ACBD6: variants seen among roughly 807,000 people sequenced by gnomAD.
ACBD6 encodes the protein acyl-CoA binding domain containing 6.
Under a neutral mutation model 37.2 loss-of-function variants are expected in ACBD6, and 28 were observed. The ratio of observed to expected loss-of-function variants is 0.75; its 90% CI spans 0.56 to 1.03. The LOEUF is 1.03. Among genes scored for constraint, ACBD6 ranks in the 50% least tolerant of loss-of-function variants. ACBD6 has a pLI of 0.00. For synonymous variants in ACBD6, 113 were observed against 126.8 expected (o/e 0.89, Z 0.73); for missense variants, 340 against 337.4 (o/e 1.01, Z -0.06).
chr1:180,353,047 T>C lies in ACBD6; in HGVS notation c.664-38325A>G, dbSNP rs1403077234. On this transcript the variant is annotated intron_variant, in intron 6 of 7. Transcript: ENST00000367595. The stretch of plus-strand genomic sequence containing the variant: ...GATCACTGTTTAAAGTAACCACCAC[T>C]ATTTTATTTCTTAGAACTTAACTGA... Among the ~76,000 whole-genome samples, 6 of 152,382 alleles carry C rather than the reference T, an allele frequency of 3.9e-5. No homozygotes were observed. In the South Asian group the frequency reaches 1.2e-3, roughly 32 times the overall value.
intron 8 of ACBD6, among the ~76,000 whole-genome samples, chr1:180,281,763 GA>G (rs368286679): frequency 1.1e-4 from 17 of 148,410 alleles, no homozygotes; most frequent in African/African-American, 2.0e-4. Context: ...TTAGGAGGGA[GA>G]AAAAAAAAAT....
intron 3 of ACBD6, among the ~76,000 whole-genome samples, chr1:180,487,471 T>C (rs1481786900): frequency 1.3e-5 from 2 of 152,194 alleles, no homozygotes; most frequent in Non-Finnish European, 2.9e-5. Context: ...CTAGCCAGTA[T>C]AGTCGCACTG....
chr1:180,286,564 A>G (rs538838932), downstream of ACBD6, among the ~76,000 whole-genome samples: 12 of 152,374 alleles, frequency 7.9e-5, no homozygotes, highest in East Asian at 2.3e-3. Flanking sequence ...CTTAAAACAC[A>G]TTCAATTAGT....
rs146810484 is a variant in ACBD6 at position 180,483,359 on chromosome 1, T to C, written c.384+8910A>G. 4.6e-3 allele frequency among the ~76,000 whole-genome samples: 694 copies of C among 152,312 alleles called. 5 individuals carry two copies. Among genetic ancestry groups the C allele is most frequent in the African/African-American group, 0.014 (574 of 41,568 alleles). ...TGTGTGCCCTATCCTTCTTCCCTGC[T>C]TTCTCTCCACAGTGCTAATCACTTT... On this transcript the variant is annotated intron_variant, in intron 3 of 7. Coordinates refer to ENST00000367595, the MANE Select transcript of ACBD6 (RefSeq NM_032360.4).
At chr1:180,333,787 G>A (rs977928726) in intron 6 of ACBD6, among the ~76,000 whole-genome samples, 2 of 152,192 alleles carry the variant, frequency 1.3e-5, no homozygotes, top group Admixed American at 6.5e-5. Context: ...GGTGACAGCC[G>A]GCATCTGGAA....
At chr1:180,271,300 AGGAT>A in exon 14 of ACBD6, 1 of 1,513,736 alleles carries the variant, frequency 6.6e-7, no homozygotes, top group Non-Finnish European at 9.2e-7. Context: ...AGGTGCAGAA[AGGAT>A]GGAAGGGAGG....
At chr1:180,290,157 C>T (rs185272524) in intron 7 of ACBD6, among the ~76,000 whole-genome samples, 109 of 149,634 alleles carry the variant, frequency 7.3e-4, no homozygotes, top group African/African-American at 2.6e-3. Context: ...GTTGTTGTTG[C>T]TCATTTGTTT....
chr1:180,464,990 T>G (rs1434587217), intron 3 of ACBD6, among the ~76,000 whole-genome samples: 2 of 152,162 alleles, frequency 1.3e-5, no homozygotes, highest in African/African-American at 4.8e-5. Flanking sequence ...TATAGAAGAT[T>G]GAAGCTGAAC....
rs1298182988 is a variant in ACBD6, at chr1:180,462,938, A to G, written c.384+29331T>C. On this transcript the variant is annotated intron_variant, in intron 3 of 7. Coordinates refer to ENST00000367595, the MANE Select transcript of ACBD6 (RefSeq NM_032360.4). ...GACTAAGAAATTCACTCAAAACCAT[A>G]CAATTACATGGAAATTAAATACCTT... Among the ~76,000 whole-genome samples the G allele has an allele frequency of 3.3e-5, 5 of 152,186 alleles. No homozygotes were observed. The East Asian group carries it at 9.6e-4, about 29-fold the overall frequency.
intron 3 of ACBD6, among the ~76,000 whole-genome samples, chr1:180,485,864 T>C (rs894573388): frequency 2.6e-5 from 4 of 151,336 alleles, no homozygotes; most frequent in African/African-American, 9.7e-5. Flanking sequence ...TAATGAATTA[T>C]ACCCCACTGA....
rs1391731305 is a variant in ACBD6, at chr1:180,288,504, C to T, written c.708G>A (p.Glu236=). The change falls in exon 8 of 8, where the codon GAG becomes GAA. Residue 236 remains glutamate, a synonymous_variant. Coordinates refer to ENST00000367595, the MANE Select transcript of ACBD6 (RefSeq NM_032360.4). The stretch of plus-strand genomic sequence containing the variant: ...GCAGCAGCTCTACAATATCCAGAAA[C>T]TCACAGGCAGAGGCTGAAAGGAAAA... ...QTALHYASAC[E]FLDIVELLLQ... 2 of 1,613,380 alleles carry T rather than the reference C, an allele frequency of 1.2e-6. No individual in the cohort carries two copies. The highest frequency in any genetic ancestry group is 1.7e-6 in the Non-Finnish European group (2 of 1,179,766).
At chr1:180,388,037 G>A (rs997676846) in intron 6 of ACBD6, among the ~76,000 whole-genome samples, 2 of 151,954 alleles carry the variant, frequency 1.3e-5, no homozygotes, top group African/African-American at 4.8e-5. Context: ...TTAGCCGGGC[G>A]TGATGGTGGG....
chr1:180,384,285 A>C (rs1653764846), intron 6 of ACBD6, among the ~76,000 whole-genome samples: 1 of 152,194 alleles, frequency 6.6e-6, no homozygotes, highest in Non-Finnish European at 1.5e-5. Flanking sequence ...AGAATATACA[A>C]GAAACTCAAA....
chr1:180,480,552 A>T (rs1410256485), intron 3 of ACBD6, among the ~76,000 whole-genome samples: 1 of 152,232 alleles, frequency 6.6e-6, no homozygotes, highest in Non-Finnish European at 1.5e-5. Flanking sequence ...GATAAGTTCT[A>T]TTTTAGACCT....
intron 6 of ACBD6, among the ~76,000 whole-genome samples, chr1:180,349,202 T>C (rs1051752952): frequency 6.6e-6 from 1 of 151,872 alleles, no homozygotes; most frequent in Admixed American, 6.5e-5. Context: ...GGGGCCATGC[T>C]AATCTTCTCT....
At position 180,495,467 on chromosome 1, in the gene ACBD6, TG is replaced by T. The variant is rs1651697063; in HGVS notation, c.280del (p.Gln94LysfsTer24). 1 of 1,602,586 alleles carries T rather than the reference TG, an allele frequency of 6.2e-7. No individual in the cohort carries two copies. Among genetic ancestry groups the T allele is most frequent in the Non-Finnish European group, 8.5e-7 (1 of 1,174,646 alleles). ...GATTCCAGGAATTTCTTACCATTTT[TG>T]CTTTCCTTCAAAATCAAAGAAGCTT... ...KPSFFDFEGKQKWEAWKALGD... is the reference protein window; with the variant it reads ...KPSFFDFEGKXKWEAWKALGD... On this transcript the variant is annotated frameshift_variant, in exon 2 of 8. Transcript: ENST00000367595. LOFTEE classifies it high-confidence loss of function.
At chr1:180,294,470 G>A (rs1649839647) in intron 7 of ACBD6, among the ~76,000 whole-genome samples, 1 of 151,920 alleles carries the variant, frequency 6.6e-6, no homozygotes, top group Admixed American at 6.6e-5. Flanking sequence ...CCTGGGAGGT[G>A]GAGCCTGAAG....
chr1:180,379,759 T>C (rs772024451), intron 6 of ACBD6, among the ~76,000 whole-genome samples: 2 of 152,092 alleles, frequency 1.3e-5, no homozygotes, highest in Non-Finnish European at 2.9e-5. Flanking sequence ...TTGTGACATA[T>C]GGGCCACCAT....
intron 3 of ACBD6, among the ~76,000 whole-genome samples, chr1:180,444,138 A>G (rs1233693656): frequency 6.6e-6 from 1 of 152,072 alleles, no homozygotes; most frequent in East Asian, 1.9e-4. Context: ...AATATAATTT[A>G]CTTAACCATT....
Sources: allele counts gnomAD v4.1 joint callset (sites outside exome capture counted in the v4.1 genomes callset), GRCh38; gene constraint gnomAD v4.1.1; transcripts MANE v1.5; gene names NCBI Gene and HGNC (gene_info 2026-07-23, HGNC 2026-07-21).